TESK2: variants seen among roughly 807,000 people sequenced by gnomAD.
TESK2 encodes dual specificity testis-specific protein kinase 2.
TESK2 carries 39 observed loss-of-function variants against 57.1 expected under a neutral mutation model. The observed-to-expected ratio is 0.68, with a 90% CI of 0.53 to 0.89. TESK2 has a LOEUF of 0.89. TESK2 is among the 40% of genes least tolerant of loss of function. The pLI is 0.00. For missense variants in TESK2, 646 were observed against 732.1 expected (o/e 0.88, Z 1.36); for synonymous variants, 249 against 267.9 (o/e 0.93, Z 0.69).
At chr1:45,357,879 C>T (rs1647505686) in intron 4 of TESK2, among the ~76,000 whole-genome samples, 1 of 151,806 alleles carries the variant, frequency 6.6e-6, no homozygotes, top group Non-Finnish European at 1.5e-5. Flanking sequence ...GTGGCGCATG[C>T]GTGTAATCCC....
At chr1:45,398,903 G>A (rs1008398346) in intron 3 of TESK2, 29 of 415,538 alleles carry the variant, frequency 7.0e-5, no homozygotes, top group Non-Finnish European at 1.2e-4. Context: ...AGAAGATCCA[G>A]TGGAGGAACC....
chr1:45,458,991 A>G (rs187861451), intron 1 of TESK2, among the ~76,000 whole-genome samples: 23 of 152,346 alleles, frequency 1.5e-4, no homozygotes, highest in Admixed American at 1.4e-3. Flanking sequence ...AAGGAGGTGG[A>G]TACCTACTCA....
chr1:45,374,453 T>C (rs1056977660), intron 4 of TESK2, among the ~76,000 whole-genome samples: 2 of 151,848 alleles, frequency 1.3e-5, no homozygotes, highest in African/African-American at 2.4e-5. Context: ...ATCTGTAAAA[T>C]GGGAAAAATA....
chr1:45,438,881 C>G (rs376169077), intron 2 of TESK2, among the ~76,000 whole-genome samples: 1 of 151,904 alleles, frequency 6.6e-6, no homozygotes, highest in East Asian at 1.9e-4. Flanking sequence ...GAGGAAAAAC[C>G]TTAAGTATTT....
chr1:45,423,274 T>C (rs1028348981), intron 2 of TESK2, among the ~76,000 whole-genome samples: 3 of 152,110 alleles, frequency 2.0e-5, no homozygotes, highest in Non-Finnish European at 4.4e-5. Context: ...TAAAAATCCA[T>C]AGGCCGGGCA....
At chr1:45,354,429 C>A (rs1410707680) in intron 5 of TESK2, among the ~76,000 whole-genome samples, 1 of 152,066 alleles carries the variant, frequency 6.6e-6, no homozygotes, top group Non-Finnish European at 1.5e-5. Context: ...AGTTTGAGAC[C>A]AGCCTGCCAA....
At chr1:45,423,306 C>G (rs1036053906) in intron 2 of TESK2, among the ~76,000 whole-genome samples, 2 of 152,142 alleles carry the variant, frequency 1.3e-5, no homozygotes, top group Admixed American at 1.3e-4. Context: ...GCCTGTAATC[C>G]CAGGACTTTG....
chr1:45,407,830 A>G (rs891791945), intron 3 of TESK2, among the ~76,000 whole-genome samples: 3 of 152,188 alleles, frequency 2.0e-5, no homozygotes, highest in African/African-American at 7.2e-5. Flanking sequence ...GCAGCATGAG[A>G]AAGGACTTAT....
chr1:45,352,774 C>T lies in TESK2; in HGVS notation c.540+2529G>A, dbSNP rs1033043499. Reference sequence around the variant, plus strand: ...GGGGGGAGTATCTGTGTAACTGATACATATTTTGTCACAAACTCCTTCTAT... The same window carrying T: ...GGGGGGAGTATCTGTGTAACTGATATATATTTTGTCACAAACTCCTTCTAT... On this transcript the variant is annotated intron_variant, in intron 5 of 10. Transcript: ENST00000372086. 3.3e-5 allele frequency among the ~76,000 whole-genome samples: 5 copies of T among 151,934 alleles called. No individual in the cohort carries two copies. In the South Asian group the frequency reaches 8.3e-4, roughly 25 times the overall value.
chr1:45,418,455 T>C (rs575795816), intron 3 of TESK2, among the ~76,000 whole-genome samples: 1 of 152,348 alleles, frequency 6.6e-6, no homozygotes, highest in African/African-American at 2.4e-5. Context: ...CCTTTGGATT[T>C]ATGCAAAGCA....
intron 2 of TESK2, among the ~76,000 whole-genome samples, chr1:45,448,626 G>A (rs1055689078): frequency 6.6e-6 from 1 of 151,986 alleles, no homozygotes; most frequent in Non-Finnish European, 1.5e-5. Context: ...GATGTCACAT[G>A]AACAAACTGA....
intron 2 of TESK2, among the ~76,000 whole-genome samples, chr1:45,438,474 C>T (rs1041271301): frequency 6.6e-6 from 1 of 152,104 alleles, no homozygotes; most frequent in Non-Finnish European, 1.5e-5. Flanking sequence ...CCAGCCTCAG[C>T]GACAGAGTAA....
At chr1:45,431,102 T>G (rs776336212) in intron 2 of TESK2, among the ~76,000 whole-genome samples, 14 of 152,002 alleles carry the variant, frequency 9.2e-5, no homozygotes, top group South Asian at 2.1e-4. Context: ...ACTAGGAGAG[T>G]CTATGTTACA....
At chr1:45,392,342 T>G (rs1051607483) in intron 3 of TESK2, among the ~76,000 whole-genome samples, 17 of 152,160 alleles carry the variant, frequency 1.1e-4, no homozygotes, top group African/African-American at 4.1e-4. Context: ...CCACCTCAGG[T>G]GATCTGCCTG....
intron 2 of TESK2, among the ~76,000 whole-genome samples, chr1:45,423,518 C>T (rs1000668718): frequency 2.2e-4 from 33 of 149,190 alleles, no homozygotes; most frequent in Non-Finnish European, 4.6e-4. Context: ...GATTGTGCCA[C>T]TGCACTCCAG....
intron 4 of TESK2, among the ~76,000 whole-genome samples, chr1:45,364,682 G>T (rs1647834019): frequency 6.6e-6 from 1 of 152,200 alleles, no homozygotes; most frequent in South Asian, 2.1e-4. Flanking sequence ...ACAGCCAGAT[G>T]AGAGGTGACC....
intron 1 of TESK2, among the ~76,000 whole-genome samples, chr1:45,464,731 C>T (rs1652473776): frequency 6.6e-6 from 1 of 152,208 alleles, no homozygotes; most frequent in Admixed American, 6.5e-5. Context: ...CATATTACAG[C>T]ACAGAAGACA....
rs1570634426 is a variant in TESK2, at chr1:45,348,076, C to T, written c.541-76G>A. The T allele has an allele frequency of 7.1e-6, 7 of 989,212 alleles. No individual in the cohort carries two copies. In the East Asian group the frequency reaches 1.4e-4, roughly 20 times the overall value. 61.3% of individuals were successfully genotyped at this position (989,212 alleles called of 1,614,324 possible). A position where few individuals can be genotyped will look rare whatever the true frequency, so the allele number is the denominator to read the frequency against. On this transcript the variant is annotated intron_variant, in intron 5 of 10. Transcript: ENST00000372086. Reference sequence around the variant, plus strand: ...CAGCCATAGAGTTACCACCCATTCCCCCCTTCCTATCACAGGGCACCTTGT... The same window carrying T: ...CAGCCATAGAGTTACCACCCATTCCTCCCTTCCTATCACAGGGCACCTTGT...
chr1:45,412,214 A>C (rs55868150), intron 3 of TESK2, among the ~76,000 whole-genome samples: 2,025 of 152,354 alleles, frequency 0.013, 19 homozygotes, highest in Non-Finnish European at 0.021. Flanking sequence ...ACCAGAGCTG[A>C]GTATCAGGAA....
Sources: gnomAD v4.1 joint callset for allele counts (sites outside exome capture counted in the v4.1 genomes callset) on GRCh38, gnomAD v4.1.1 for gene constraint, MANE v1.5 for transcripts, NCBI Gene and HGNC (gene_info 2026-07-23, HGNC 2026-07-21) for gene names.